The following KANK1 variants were observed in gnomAD, a reference collection of about 807,000 sequenced individuals.
The protein encoded by KANK1 is KN motif and ankyrin repeat domain-containing protein 1.
Under a neutral mutation model 106.2 loss-of-function variants are expected in KANK1, and 109 were observed. The observed-to-expected ratio is 1.03, with a 90% CI of 0.88 to 1.20. The LOEUF (loss-of-function observed/expected upper bound fraction) is 1.20. KANK1 is among the 50% of genes most tolerant of loss of function. The pLI, the probability that KANK1 is intolerant of heterozygous loss-of-function variation, is 0.00. For missense variants in KANK1, 2,399 were observed against 1,710.7 expected, an observed-to-expected ratio of 1.40 and a Z score of -7.10; for synonymous variants, 873 against 652.2, an observed-to-expected ratio of 1.34 and a Z score of -5.16.
chr9:629,212 C>G (rs1835085542), intron 1 of KANK1, among the ~76,000 whole-genome samples: 1 of 152,100 alleles, frequency 6.6e-6, no homozygotes. Flanking sequence ...CTCCCAGCCG[C>G]TGATGGGGTT....
chr9:689,606 T>C (rs758068516), intron 2 of KANK1, among the ~76,000 whole-genome samples: 23 of 152,124 alleles, frequency 1.5e-4, no homozygotes, highest in African/African-American at 2.9e-4. Context: ...CTAAATCCTG[T>C]CACACCCTAA....
intron 11 of KANK1, 162 bp downstream of exon 11, chr9:744,751 A>AAAAGCAGGAGAACTAATGTTTT (rs1836756509): frequency 6.6e-7 from 1 of 1,513,470 alleles, no homozygotes; most frequent in African/African-American, 1.4e-5. Context: ...CCACCCCGCA[A>AAAAGCAGGAGAACTAATGTTTT]AAAGCAGGAG....
intron 1 of KANK1, among the ~76,000 whole-genome samples, chr9:642,095 G>GA (rs1435124190): frequency 6.6e-6 from 1 of 152,164 alleles, no homozygotes; most frequent in African/African-American, 2.4e-5. Flanking sequence ...CCCATAGTCA[G>GA]AAAGCTTGAG....
At chr9:533,703 G>A (rs2060167416) in intron 1 of KANK1, among the ~76,000 whole-genome samples, 1 of 152,186 alleles carries the variant, frequency 6.6e-6, no homozygotes, top group African/African-American at 2.4e-5. Context: ...TGTCAAAACT[G>A]AGGTGGCATT....
intron 3 of KANK1, among the ~76,000 whole-genome samples, chr9:488,445 T>C (rs1359287480): frequency 2.0e-5 from 3 of 152,210 alleles, no homozygotes; most frequent in Non-Finnish European, 2.9e-5. Context: ...AAGCCAAAAT[T>C]TTCATTCATC....
chr9:618,764 T>C (rs1485976555), intron 1 of KANK1, among the ~76,000 whole-genome samples: 2 of 152,138 alleles, frequency 1.3e-5, no homozygotes, highest in African/African-American at 2.4e-5. Flanking sequence ...AAGTGATGCT[T>C]CCATTCAGTA....
intron 2 of KANK1, among the ~76,000 whole-genome samples, chr9:688,772 T>C (rs953611942): frequency 6.6e-6 from 1 of 152,196 alleles, no homozygotes; most frequent in African/African-American, 2.4e-5. Context: ...TTGTGGCATG[T>C]TAGCAGCACA....
chr9:664,002 T>C (rs182970752), intron 1 of KANK1, among the ~76,000 whole-genome samples: 1 of 152,204 alleles, frequency 6.6e-6, no homozygotes, highest in Admixed American at 6.5e-5. Context: ...TCATCTTGAA[T>C]TGTAGTTCCC....
intron 1 of KANK1, among the ~76,000 whole-genome samples, chr9:635,533 A>G (rs1427284384): frequency 1.3e-5 from 2 of 151,814 alleles, no homozygotes; most frequent in East Asian, 3.9e-4. Flanking sequence ...TAGTCATATC[A>G]GCCCCTTGAG....
At chr9:525,083 C>G (rs966000031) in intron 1 of KANK1, among the ~76,000 whole-genome samples, 6 of 150,406 alleles carry the variant, frequency 4.0e-5, no homozygotes, top group African/African-American at 1.0e-4. Flanking sequence ...CAACCTCCGC[C>G]TCCTGGGTTC....
intron 1 of KANK1, among the ~76,000 whole-genome samples, chr9:639,514 A>C (rs1156659040): frequency 6.6e-6 from 1 of 151,774 alleles, no homozygotes; most frequent in African/African-American, 2.4e-5. Context: ...ACAGGGTTTC[A>C]CCATGTTGGC....
intron 1 of KANK1, among the ~76,000 whole-genome samples, chr9:592,007 G>A (rs1295741155): frequency 1.3e-5 from 2 of 151,642 alleles, no homozygotes; most frequent in African/African-American, 2.4e-5. Flanking sequence ...TCCCCCTCCA[G>A]CCTGTAACAC....
chr9:647,913 C>G (rs959375831), intron 1 of KANK1, among the ~76,000 whole-genome samples: 1 of 150,286 alleles, frequency 6.7e-6, no homozygotes, highest in Non-Finnish European at 1.5e-5. Context: ...CCGGTTGACC[C>G]AGTACATTGC....
intron 4 of KANK1, 164 bp downstream of exon 4, chr9:730,412 C>T: frequency 1.3e-6 from 1 of 771,854 alleles, no homozygotes; most frequent in Non-Finnish European, 2.1e-6. Flanking sequence ...ACCAAAGAGG[C>T]CGGGCATGGT....
At chr9:529,246 CACACACACATAT>C (rs1438990499) in intron 1 of KANK1, among the ~76,000 whole-genome samples, 104 of 151,474 alleles carry the variant, frequency 6.9e-4, no homozygotes, top group African/African-American at 2.5e-3. Context: ...CACACACACA[CACACACACATAT>C]ACACACACAC....
intron 3 of KANK1, among the ~76,000 whole-genome samples, chr9:493,130 C>T (rs2058404600): frequency 6.6e-6 from 1 of 151,780 alleles, no homozygotes; most frequent in African/African-American, 2.4e-5. Flanking sequence ...CCATATTGTA[C>T]CAGGGTTGGT....
intron 3 of KANK1, among the ~76,000 whole-genome samples, chr9:483,163 T>C (rs73386710): frequency 0.045 from 6,856 of 152,194 alleles, 188 homozygotes; most frequent in South Asian, 0.1. Flanking sequence ...TTATCATAGA[T>C]ATGTATGTAT....
intron 1 of KANK1, among the ~76,000 whole-genome samples, chr9:625,162 C>CAGCTCTAAG (rs1387649874): frequency 1.3e-5 from 2 of 152,200 alleles, no homozygotes; most frequent in African/African-American, 4.8e-5. Flanking sequence ...TCCTGCAGAT[C>CAGCTCTAAG]AGCTCTAAGA....
chr9:742,178 T>G, intron 9 of KANK1, 27 bp from the exon 10 acceptor site: 1 of 1,609,184 alleles, frequency 6.2e-7, no homozygotes, highest in Non-Finnish European at 8.5e-7. Flanking sequence ...TACGTACTTC[T>G]GAAGTCCTTG....
Sources: gnomAD v4.1 joint callset for allele counts (sites outside exome capture counted in the v4.1 genomes callset) on GRCh38, gnomAD v4.1.1 for gene constraint, MANE v1.5 for transcripts, NCBI Gene and HGNC (gene_info 2026-07-23, HGNC 2026-07-21) for gene names.